Variants in PLCZ1 observed in about 807,000 individuals in gnomAD.
PLCZ1 encodes the protein 1-phosphatidylinositol 4,5-bisphosphate phosphodiesterase zeta-1.
PLCZ1 carries 64 observed loss-of-function variants against 76.8 expected under a neutral mutation model. That is an observed-to-expected ratio of 0.83 (90% CI 0.68 to 1.03). The LOEUF (loss-of-function observed/expected upper bound fraction) is 1.03, where lower values mean the gene tolerates loss of function less well. Among genes scored for constraint, PLCZ1 ranks in the 50% least tolerant of loss-of-function variants. The probability of loss-of-function intolerance (pLI) is 0.00; values close to 1 mark genes in which losing one functional copy is unlikely to be tolerated. For missense variants in PLCZ1, 751 were observed against 713.7 expected (o/e 1.05, Z -0.60); for synonymous variants, 248 against 230.8 (o/e 1.07, Z -0.68).
chr12:18,705,626 G>A (rs1592149251), intron 6 of PLCZ1, among the ~76,000 whole-genome samples: 2 of 152,206 alleles, frequency 1.3e-5, no homozygotes, highest in South Asian at 2.1e-4. Context: ...AGCACTTTGG[G>A]AGGCTGAGGC....
At chr12:18,697,651 G>A (rs1955266514) in intron 10 of PLCZ1, among the ~76,000 whole-genome samples, 1 of 152,090 alleles carries the variant, frequency 6.6e-6, no homozygotes. Flanking sequence ...GATAACCACT[G>A]ATAACTCCTT....
At chr12:18,686,283 G>A (rs977763938) in intron 13 of PLCZ1, among the ~76,000 whole-genome samples, 2 of 151,974 alleles carry the variant, frequency 1.3e-5, no homozygotes, top group South Asian at 4.2e-4. Flanking sequence ...ACTCAACTCT[G>A]TTAAAGTTAT....
At chr12:18,718,156 A>T (rs779530338) in intron 5 of PLCZ1, among the ~76,000 whole-genome samples, 15 of 152,156 alleles carry the variant, frequency 9.9e-5, no homozygotes, top group Non-Finnish European at 1.8e-4. Flanking sequence ...AGATATACTA[A>T]ATGCATTTTC....
At chr12:18,654,363 T>C in the PLCZ1 span, among the ~76,000 whole-genome samples, 1 of 151,770 alleles carries the variant, frequency 6.6e-6, no homozygotes, top group African/African-American at 2.4e-5. Flanking sequence ...AATGATTTCC[T>C]GGAAAGACTA....
intron 6 of PLCZ1, among the ~76,000 whole-genome samples, chr12:18,708,296 AT>A (rs1956871856): frequency 6.6e-6 from 1 of 152,064 alleles, no homozygotes; most frequent in African/African-American, 2.4e-5. Flanking sequence ...TGTCTGGCTT[AT>A]TTCACTTAAC....
Position 18,705,314 on chromosome 12 carries a change from G to A in PLCZ1, c.716C>T (p.Thr239Ile), listed in dbSNP as rs1486739703. The A allele has an allele frequency of 1.2e-6, 2 of 1,614,040 alleles. No homozygotes were observed. Among genetic ancestry groups the A allele is most frequent in the South Asian group, 1.1e-5 (1 of 91,080 alleles). ...AGAGAGCACCACTGGGTAGTCAGAT[G>A]TCTAAAAAAGTAACCATTACTATGG... ...IQAIHKYAFMTSDYPVVLSLE... is the reference protein window; with the variant it reads ...IQAIHKYAFMISDYPVVLSLE... The change falls in exon 7 of 15, where the codon ACA (threonine) becomes ATA (isoleucine). Residue 239 changes from threonine (T) to isoleucine (I), a missense_variant and splice_region_variant. Thr to Ile is a moderately conservative substitution (Grantham distance 89). Coordinates refer to ENST00000266505, the MANE Select transcript of PLCZ1 (RefSeq NM_033123.4).
chr12:18,676,944 GT>G, the PLCZ1 span, among the ~76,000 whole-genome samples: 15 of 152,008 alleles, frequency 9.9e-5, no homozygotes, highest in Non-Finnish European at 1.5e-4. Context: ...AAGCAAAACT[GT>G]TTTTCTTATT....
rs942635660 is a variant in PLCZ1, at chr12:18,711,114, G to A, written c.714+1728C>T. Among the ~76,000 whole-genome samples the A allele has an allele frequency of 2.0e-5, 3 of 152,044 alleles. No individual in the cohort carries two copies. In the South Asian group the frequency reaches 6.2e-4, roughly 32 times the overall value. The stretch of plus-strand genomic sequence containing the variant: ...GTTTATTGCGGCACTATTCACAATA[G>A]CAAAGAATTGGAACCAACCTAAATA... On this transcript the variant is annotated intron_variant, in intron 6 of 14. Transcript: ENST00000266505.
At chr12:18,694,185 C>T (rs1411990593) in intron 12 of PLCZ1, 1 of 651,484 alleles carries the variant, frequency 1.5e-6, no homozygotes, top group Non-Finnish European at 2.7e-6. Context: ...CCAGAGGAAT[C>T]TCTGTTCCCA....
At chr12:18,650,502 G>GA in the PLCZ1 span, among the ~76,000 whole-genome samples, 2 of 148,632 alleles carry the variant, frequency 1.3e-5, no homozygotes, top group East Asian at 2.0e-4. Context: ...TCCTGTGTAT[G>GA]AAAAAAAATT....
the PLCZ1 span, among the ~76,000 whole-genome samples, chr12:18,661,647 A>G: frequency 6.6e-6 from 1 of 152,116 alleles, no homozygotes; most frequent in Admixed American, 6.6e-5. Flanking sequence ...TCAAAAAATA[A>G]CATGCTGGTG....
Position 18,712,830 on chromosome 12 carries a change from A to G in PLCZ1, c.714+12T>C. 1 of 1,613,200 alleles carries G rather than the reference A, an allele frequency of 6.2e-7. No individual in the cohort carries two copies. The highest frequency in any genetic ancestry group is 8.5e-7 in the Non-Finnish European group (1 of 1,179,224). On this transcript the variant is annotated intron_variant, in intron 6 of 14. Coordinates refer to ENST00000266505, the MANE Select transcript of PLCZ1 (RefSeq NM_033123.4). ...TTTAAATAGCTACAGTTGAACAAAGATATGTACATACCATGAATGCATACT... is the reference window on the plus strand; with the variant it reads ...TTTAAATAGCTACAGTTGAACAAAGGTATGTACATACCATGAATGCATACT...
At chr12:18,711,707 A>G (rs1957372066) in intron 6 of PLCZ1, among the ~76,000 whole-genome samples, 1 of 152,016 alleles carries the variant, frequency 6.6e-6, no homozygotes, top group Non-Finnish European at 1.5e-5. Flanking sequence ...GAGCAGGACT[A>G]GAGAAATATC....
At chr12:18,692,659 A>C in intron 12 of PLCZ1, 1 of 645,964 alleles carries the variant, frequency 1.5e-6, no homozygotes, top group Non-Finnish European at 2.7e-6. Context: ...GCAGGAGAAA[A>C]AAATCATTTC....
chr12:18,711,074 C>T (rs1957253139), intron 6 of PLCZ1, among the ~76,000 whole-genome samples: 2 of 152,010 alleles, frequency 1.3e-5, no homozygotes. Flanking sequence ...GCTATAAAGA[C>T]ATATGCACAT....
chr12:18,661,234 G>A, the PLCZ1 span, among the ~76,000 whole-genome samples: 5 of 152,206 alleles, frequency 3.3e-5, no homozygotes, highest in East Asian at 9.7e-4. Context: ...GGGATTATTT[G>A]AAGAAATAGT....
intron 10 of PLCZ1, among the ~76,000 whole-genome samples, chr12:18,696,939 G>A (rs1294557932): frequency 6.6e-6 from 1 of 152,060 alleles, no homozygotes; most frequent in Admixed American, 6.6e-5. Context: ...CACACAAACA[G>A]GAACAAACAT....
At chr12:18,690,723 G>C (rs1953939553) in intron 12 of PLCZ1, among the ~76,000 whole-genome samples, 1 of 152,120 alleles carries the variant, frequency 6.6e-6, no homozygotes, top group Non-Finnish European at 1.5e-5. Context: ...CCTAAGTCTT[G>C]AAAACTGAGT....
chr12:18,699,828 C>T lies in PLCZ1; in HGVS notation c.1140G>A (p.Gly380=). ...TTGAAAGTTTTCGGGCTTGTGTCTC[C>T]CCAATAGAATTATTTTCATTAAATT... ...YQQFNENNSI[G]ETQARKLSKL... Residue 380 remains glycine, a synonymous_variant, in exon 10 of 15, where the codon GGG becomes GGA. Transcript: ENST00000266505. 1 of 1,613,322 alleles carries T rather than the reference C, an allele frequency of 6.2e-7. No homozygotes were observed. Among genetic ancestry groups the T allele is most frequent in the South Asian group, 1.1e-5 (1 of 91,066 alleles).
Sources: gnomAD v4.1 joint callset for allele counts (sites outside exome capture counted in the v4.1 genomes callset) on GRCh38, gnomAD v4.1.1 for gene constraint, MANE v1.5 for transcripts, NCBI Gene and HGNC (gene_info 2026-07-23, HGNC 2026-07-21) for gene names.